The following ST6GALNAC3 variants were observed in gnomAD, a reference collection of about 807,000 sequenced individuals.
ST6GALNAC3 encodes alpha-N-acetylgalactosaminide alpha-2,6-sialyltransferase 3.
ST6GALNAC3 carries 25 observed loss-of-function variants against 32.7 expected under a neutral mutation model. That is an observed-to-expected ratio of 0.76 (90% CI 0.56 to 1.07). The LOEUF (loss-of-function observed/expected upper bound fraction) is 1.07, where lower values mean the gene tolerates loss of function less well. ST6GALNAC3 is among the 50% of genes least tolerant of loss of function. The pLI is 0.00. For missense variants in ST6GALNAC3, 355 were observed against 382.4 expected, an observed-to-expected ratio of 0.93 and a Z score of 0.60; for synonymous variants, 129 against 133.1, an observed-to-expected ratio of 0.97 and a Z score of 0.21.
At chr1:76,384,572 G>C (rs1651953877) in intron 2 of ST6GALNAC3, among the ~76,000 whole-genome samples, 1 of 151,982 alleles carries the variant, frequency 6.6e-6, no homozygotes. Flanking sequence ...ACATCTAAAA[G>C]CTACAGAATG....
At chr1:76,353,991 C>A in intron 2 of ST6GALNAC3, 1 of 181,840 alleles carries the variant, frequency 5.5e-6, no homozygotes, top group South Asian at 1.4e-4. Flanking sequence ...TCAGGTCCAC[C>A]TTGTTCCCAG....
Position 76,343,472 on chromosome 1 carries a change from C to A in ST6GALNAC3, c.213+29473C>A, listed in dbSNP as rs1018463564. ...GAAAAGACCGTCGGATCAGTGTATACTCTGAGTTCTGTGGGAGCTGAGTCT... is the reference window on the plus strand; with the variant it reads ...GAAAAGACCGTCGGATCAGTGTATAATCTGAGTTCTGTGGGAGCTGAGTCT... On this transcript the variant is annotated intron_variant, in intron 2 of 4. Coordinates refer to ENST00000328299, the MANE Select transcript of ST6GALNAC3 (RefSeq NM_152996.4). 2.0e-5 allele frequency among the ~76,000 whole-genome samples: 3 copies of A among 152,168 alleles called. No homozygotes were observed. The East Asian group carries it at 5.8e-4, about 29-fold the overall frequency.
At chr1:76,291,978 G>C (rs1660123865) in intron 1 of ST6GALNAC3, among the ~76,000 whole-genome samples, 1 of 152,170 alleles carries the variant, frequency 6.6e-6, no homozygotes, top group South Asian at 2.1e-4. Context: ...TCTCTCTTTG[G>C]CTTGCAGCCT....
chr1:76,254,833 C>T (rs1032467322), intron 1 of ST6GALNAC3, among the ~76,000 whole-genome samples: 1 of 151,922 alleles, frequency 6.6e-6, no homozygotes, highest in African/African-American at 2.4e-5. Context: ...GCAACAAGGG[C>T]CTCTTCAGGG....
At chr1:76,139,841 C>A (rs1340718812) in intron 1 of ST6GALNAC3, among the ~76,000 whole-genome samples, 1 of 152,156 alleles carries the variant, frequency 6.6e-6, no homozygotes, top group African/African-American at 2.4e-5. Flanking sequence ...GATTCTAACT[C>A]TAAAATTCTG....
At chr1:76,190,249 A>G (rs1183723559) in intron 1 of ST6GALNAC3, among the ~76,000 whole-genome samples, 3 of 152,190 alleles carry the variant, frequency 2.0e-5, no homozygotes, top group Non-Finnish European at 4.4e-5. Flanking sequence ...AGGGTGGAGT[A>G]GGATGAGAGG....
At position 76,409,298 on chromosome 1, in the gene ST6GALNAC3, A is replaced by G. The variant is rs181728931; in HGVS notation, c.214-2710A>G. 2.0e-5 allele frequency among the ~76,000 whole-genome samples: 3 copies of G among 152,270 alleles called. No individual in the cohort carries two copies. The East Asian group carries it at 5.8e-4, about 29-fold the overall frequency. ...TTAGGGGTGATGAACAGTCCCTTTA[A>G]TAACAGAGTTTTAAGACAACTCATA... On this transcript the variant is annotated intron_variant, in intron 2 of 4. Coordinates refer to ENST00000328299, the MANE Select transcript of ST6GALNAC3 (RefSeq NM_152996.4).
intron 3 of ST6GALNAC3, among the ~76,000 whole-genome samples, chr1:76,456,355 T>A (rs1199599514): frequency 6.6e-6 from 1 of 152,144 alleles, no homozygotes. Context: ...TCTTATTTAT[T>A]TATTTTTTTG....
intron 3 of ST6GALNAC3, among the ~76,000 whole-genome samples, chr1:76,455,222 C>T (rs1657688532): frequency 6.6e-6 from 1 of 151,824 alleles, no homozygotes; most frequent in Non-Finnish European, 1.5e-5. Context: ...TTTCTGTTTT[C>T]TGCATATATT....
chr1:76,465,444 TATG>T (rs1483843531), intron 3 of ST6GALNAC3, among the ~76,000 whole-genome samples: 1 of 152,154 alleles, frequency 6.6e-6, no homozygotes, highest in Admixed American at 6.6e-5. Context: ...AATGGAAAGT[TATG>T]ATGTTTTACT....
intron 1 of ST6GALNAC3, among the ~76,000 whole-genome samples, chr1:76,148,866 A>G (rs1650861443): frequency 6.6e-6 from 1 of 152,220 alleles, no homozygotes; most frequent in South Asian, 2.1e-4. Context: ...AATGAATGAA[A>G]ATTGTATTTA....
chr1:76,210,100 C>T (rs1299253526), intron 1 of ST6GALNAC3, among the ~76,000 whole-genome samples: 2 of 151,088 alleles, frequency 1.3e-5, no homozygotes, highest in East Asian at 3.9e-4. Flanking sequence ...TTCCAGAATA[C>T]ACATGCAGGA....
At chr1:76,304,089 A>C (rs1472165568) in intron 1 of ST6GALNAC3, among the ~76,000 whole-genome samples, 1 of 152,034 alleles carries the variant, frequency 6.6e-6, no homozygotes, top group Non-Finnish European at 1.5e-5. Context: ...TAATAATCTG[A>C]ATCTGAAATT....
intron 3 of ST6GALNAC3, among the ~76,000 whole-genome samples, chr1:76,456,076 G>T (rs2101574366): frequency 6.6e-6 from 1 of 152,232 alleles, no homozygotes; most frequent in South Asian, 2.1e-4. Context: ...AGAGGCTGAG[G>T]CAGGAGAATT....
chr1:76,211,358 C>T (rs561566671), intron 1 of ST6GALNAC3, among the ~76,000 whole-genome samples: 27 of 152,258 alleles, frequency 1.8e-4, no homozygotes, highest in African/African-American at 6.5e-4. Context: ...CTAGTTCAAC[C>T]ATTGTGGAAG....
intron 2 of ST6GALNAC3, among the ~76,000 whole-genome samples, chr1:76,405,755 G>A (rs940524901): frequency 1.3e-5 from 2 of 151,716 alleles, no homozygotes; most frequent in Non-Finnish European, 2.9e-5. Context: ...GTCAGTTTTG[G>A]CCATTTCTCT....
chr1:76,522,348 ATT>A (rs942250925), intron 3 of ST6GALNAC3, among the ~76,000 whole-genome samples: 1 of 151,646 alleles, frequency 6.6e-6, no homozygotes, highest in Non-Finnish European at 1.5e-5. Flanking sequence ...CAATTTGGAA[ATT>A]TTTTTTGCCA....
intron 1 of ST6GALNAC3, among the ~76,000 whole-genome samples, chr1:76,166,142 T>C (rs1381004408): frequency 6.6e-6 from 1 of 152,150 alleles, no homozygotes; most frequent in Non-Finnish European, 1.5e-5. Flanking sequence ...TTTTGGGTTT[T>C]ACATTTAAGT....
At position 76,495,257 on chromosome 1, in the gene ST6GALNAC3, G is replaced by A. The variant is rs72678074; in HGVS notation, c.623+82840G>A. Among the ~76,000 whole-genome samples the A allele has an allele frequency of 4.3e-3, 652 of 152,194 alleles. 2 individuals carry two copies. The highest frequency in any genetic ancestry group is 6.9e-3 in the Non-Finnish European group (469 of 67,994). On this transcript the variant is annotated intron_variant, in intron 3 of 4. Transcript: ENST00000328299. ...GTGTATGCCAGGTACTTACTTAACA[G>A]ATCCTTTTTTACTGTTAATTTTATT... is the stretch of plus-strand genomic sequence containing the variant.
Sources: gnomAD v4.1 joint callset for allele counts (sites outside exome capture counted in the v4.1 genomes callset) on GRCh38, gnomAD v4.1.1 for gene constraint, MANE v1.5 for transcripts, NCBI Gene and HGNC (gene_info 2026-07-23, HGNC 2026-07-21) for gene names.